The following HNRNPLL variants were observed in gnomAD, a reference collection of about 807,000 sequenced individuals.
The protein encoded by HNRNPLL is heterogeneous nuclear ribonucleoprotein L like, also known as heterogeneous nuclear ribonucleoprotein L-like.
Under a neutral mutation model 67.1 loss-of-function variants are expected in HNRNPLL, and 25 were observed. The ratio of observed to expected loss-of-function variants is 0.37; its 90% CI spans 0.27 to 0.52. The LOEUF is 0.52. HNRNPLL is among the 20% of genes least tolerant of loss of function. The pLI is 0.90. For synonymous variants in HNRNPLL, 267 were observed against 241.7 expected, an observed-to-expected ratio of 1.10 and a Z score of -0.97; for missense variants, 542 against 673.9, an observed-to-expected ratio of 0.80 and a Z score of 2.17.
chr2:38,570,435 T>A (rs1220779023), intron 8 of HNRNPLL, among the ~76,000 whole-genome samples: 2 of 152,202 alleles, frequency 1.3e-5, no homozygotes, highest in African/African-American at 4.8e-5. Flanking sequence ...CTATGTAGAA[T>A]TCTGTTAATG....
At chr2:38,570,773 G>C (rs1039999914) in intron 8 of HNRNPLL, among the ~76,000 whole-genome samples, 1 of 152,074 alleles carries the variant, frequency 6.6e-6, no homozygotes, top group African/African-American at 2.4e-5. Context: ...TGGTGCAGTG[G>C]CTCACACTTG....
At chr2:38,574,999 T>C (rs1356035566) in intron 7 of HNRNPLL, among the ~76,000 whole-genome samples, 1 of 151,726 alleles carries the variant, frequency 6.6e-6, no homozygotes, top group East Asian at 1.9e-4. Context: ...GACATTTCAC[T>C]ATCATCACAC....
intron 4 of HNRNPLL, 22 bp downstream of exon 4, chr2:38,583,819 A>G: frequency 8.4e-7 from 1 of 1,194,868 alleles, no homozygotes. Flanking sequence ...CACATCAATA[A>G]AAATTTACAA....
intron 3 of HNRNPLL, among the ~76,000 whole-genome samples, chr2:38,584,267 G>A (rs949081585): frequency 2.0e-5 from 3 of 152,078 alleles, no homozygotes; most frequent in Non-Finnish European, 4.4e-5. Flanking sequence ...TCACTATGTT[G>A]TCCAGGCTGT....
chr2:38,573,088 T>TAA (rs1666156298), intron 8 of HNRNPLL, 122 bp downstream of exon 8: 1 of 670,070 alleles, frequency 1.5e-6, no homozygotes, highest in East Asian at 2.8e-5. Flanking sequence ...TTTTAGCTTA[T>TAA]GTGGGTCATT....
rs1462306759 is a variant in HNRNPLL, at chr2:38,573,494, T to C, written c.875-67A>G. 18 of 1,010,860 alleles carry C rather than the reference T, an allele frequency of 1.8e-5. No homozygotes were observed. The East Asian group carries it at 4.3e-4, about 24-fold the overall frequency. The allele number at this position is 1,010,860 out of a possible 1,614,324, so 62.6% of individuals were successfully genotyped here. A position where few individuals can be genotyped will look rare whatever the true frequency, so the allele number is the denominator to read the frequency against. On this transcript the variant is annotated intron_variant, in intron 7 of 12. Coordinates refer to ENST00000449105, the MANE Select transcript of HNRNPLL (RefSeq NM_138394.4). The stretch of plus-strand genomic sequence containing the variant: ...ACATAGTTGTTTGTAAATACTTTAG[T>C]AGATATACTGCACCACACACAAAAA...
chr2:38,569,196 T>G lies in HNRNPLL; in HGVS notation c.1353A>C (p.Pro451=). ...AGQASKNIIQ[P]PSCVLHYYNV... ...TATAATAATGCAAAACACAGGAGGGTGGCTGGATTATATTCTTAGATGCTT... is the reference window on the plus strand; with the variant it reads ...TATAATAATGCAAAACACAGGAGGGGGGCTGGATTATATTCTTAGATGCTT... The change falls in exon 10 of 13, where the codon CCA becomes CCC. Residue 451 remains proline (P), a synonymous_variant. Transcript: ENST00000449105. 1 of 1,613,456 alleles carries G rather than the reference T, an allele frequency of 6.2e-7. No homozygotes were observed. The highest frequency in any genetic ancestry group is 8.5e-7 in the Non-Finnish European group (1 of 1,179,512).
At chr2:38,568,129 T>A (rs1470191146) in intron 12 of HNRNPLL, 70 bp downstream of exon 12, 10 of 918,436 alleles carry the variant, frequency 1.1e-5, no homozygotes, top group East Asian at 2.5e-5. Context: ...TATTTTTATA[T>A]TACCATGAAT....
rs1335681694 is a variant in HNRNPLL at position 38,583,935 on chromosome 2, G to A, written c.547-9C>T. The A allele has an allele frequency of 3.9e-6, 5 of 1,295,664 alleles. No homozygotes were observed. The highest frequency in any genetic ancestry group is 1.5e-5 in the African/African-American group (1 of 66,168). The allele number at this position is 1,295,664 out of a possible 1,614,324, so 80.3% of individuals were successfully genotyped here. On this transcript the variant is annotated splice_polypyrimidine_tract_variant and intron_variant, in intron 3 of 12. Coordinates refer to ENST00000449105, the MANE Select transcript of HNRNPLL (RefSeq NM_138394.4). ...ACAGTATATAAAACATCCTATGAAG[G>A]AAAAGAAAAAGATTTCTTCACACTT... is the stretch of plus-strand genomic sequence containing the variant.
intron 12 of HNRNPLL, chr2:38,567,939 G>A (rs1665935261): frequency 1.3e-5 from 4 of 310,484 alleles, no homozygotes; most frequent in South Asian, 9.0e-5. Flanking sequence ...AGCCCGAATT[G>A]CCCAGCTGAA....
chr2:38,572,648 G>A (rs1281667460), intron 8 of HNRNPLL, among the ~76,000 whole-genome samples: 6 of 152,016 alleles, frequency 3.9e-5, no homozygotes, highest in Non-Finnish European at 7.4e-5. Context: ...AATTATTAAA[G>A]ACCTTCAAAA....
chr2:38,563,920 A>T lies in HNRNPLL; in HGVS notation c.*262T>A, dbSNP rs1050544382. On this transcript the variant is annotated 3_prime_UTR_variant, in exon 13 of 13. Coordinates refer to ENST00000449105, the MANE Select transcript of HNRNPLL (RefSeq NM_138394.4). ...TTTACTGTGGAAGAAAAATTCCAGT[A>T]ATAAGGTTAGAAATCATATATCTGT... 7 of 298,850 alleles carry T rather than the reference A, an allele frequency of 2.3e-5. No individual in the cohort carries two copies. The highest frequency in any genetic ancestry group is 1.5e-4 in the African/African-American group (7 of 45,948). 18.5% of individuals were successfully genotyped at this position (298,850 alleles called of 1,614,324 possible).
intron 12 of HNRNPLL, among the ~76,000 whole-genome samples, chr2:38,567,030 T>A (rs908595013): frequency 1.8e-4 from 28 of 152,082 alleles, no homozygotes; most frequent in African/African-American, 6.5e-4. Context: ...TGTGGCAATA[T>A]AGAAATAGCT....
At position 38,602,710 on chromosome 2, in the gene HNRNPLL, C is replaced by G; in HGVS notation, c.-84G>C. The G allele has an allele frequency of 7.0e-7, 1 of 1,431,328 alleles. No homozygotes were observed. The highest frequency in any genetic ancestry group is 9.1e-7 in the Non-Finnish European group (1 of 1,096,018). The allele number at this position is 1,431,328 out of a possible 1,614,324, so 88.7% of individuals were successfully genotyped here. On this transcript the variant is annotated 5_prime_UTR_variant, in exon 1 of 13. Transcript: ENST00000449105. ...TCGGATGCCGCCGGCCAGTCCTCGC[C>G]GCCGGCAGCGCCTCTTCTGCGAGGG... is the stretch of plus-strand genomic sequence containing the variant.
intron 12 of HNRNPLL, chr2:38,566,106 C>A: frequency 1.0e-6 from 1 of 987,572 alleles, no homozygotes; most frequent in Non-Finnish European, 1.2e-6. Context: ...AGTTTTCTCA[C>A]GCCTGTAATC....
Position 38,585,752 on chromosome 2 carries a change from G to A in HNRNPLL, c.438C>T (p.Asn146=), listed in dbSNP as rs759190623. 1.2e-6 allele frequency: 2 copies of A among 1,613,744 alleles called. No individual in the cohort carries two copies. The highest frequency in any genetic ancestry group is 1.1e-5 in the South Asian group (1 of 91,084). Residue 146 remains asparagine (N), a synonymous_variant, in exon 3 of 13, where the codon AAC becomes AAT. Coordinates refer to ENST00000449105, the MANE Select transcript of HNRNPLL (RefSeq NM_138394.4). The stretch of plus-strand genomic sequence containing the variant: ...GAGTGATCCTTTTGCTTGTAGAATA[G>A]TTGAAAAAAGCCTGTTGACCAGCAA... ...VYIAGQQAFF[N]YSTSKRITRP...
chr2:38,570,070 AC>A (rs1666009223), intron 8 of HNRNPLL, 145 bp from the exon 9 acceptor site: 2 of 611,786 alleles, frequency 3.3e-6, no homozygotes, highest in African/African-American at 3.7e-5. Flanking sequence ...GTTATGAGAT[AC>A]CCTTAACTCT....
intron 3 of HNRNPLL, among the ~76,000 whole-genome samples, chr2:38,584,846 GATATAACAAAAAACAGAGTACCT>G (rs1196848390): frequency 2.0e-4 from 31 of 151,768 alleles, no homozygotes; most frequent in African/African-American, 7.0e-4. Flanking sequence ...ACACACCAGA[GATATAACAAAAAACAGAGTACCT>G]ACACTAGATT....
In HNRNPLL at chr2:38,591,553, C is replaced by T. The variant is rs988409661; in HGVS notation, c.285G>A (p.Ala95=). The T allele has an allele frequency of 2.3e-5, 37 of 1,610,682 alleles. No individual in the cohort carries two copies. Among genetic ancestry groups the T allele is most frequent in the Non-Finnish European group, 3.1e-5 (36 of 1,177,042 alleles). The change falls in exon 2 of 13, where the codon GCG becomes GCA. Residue 95 remains alanine (A), a synonymous_variant. Coordinates refer to ENST00000449105, the MANE Select transcript of HNRNPLL (RefSeq NM_138394.4). ...ESVVEADLVE[A]LEKFGTICYV... Reference sequence around the variant, plus strand: ...ACCATATTGTCCCAAATTTTTCCAGCGCTTCCACGAGGTCTGCTTCCACCA... The same window carrying T: ...ACCATATTGTCCCAAATTTTTCCAGTGCTTCCACGAGGTCTGCTTCCACCA...
Sources: allele counts gnomAD v4.1 joint callset (sites outside exome capture counted in the v4.1 genomes callset), GRCh38; gene constraint gnomAD v4.1.1; transcripts MANE v1.5; gene names NCBI Gene and HGNC (gene_info 2026-07-23, HGNC 2026-07-21).